Variants in SH3RF3 observed in about 807,000 individuals in gnomAD.
The protein encoded by SH3RF3 is SH3 domain containing ring finger 3.
SH3RF3 carries 29 observed loss-of-function variants against 66.3 expected under a neutral mutation model. That is an observed-to-expected ratio of 0.44 (90% confidence interval 0.33 to 0.60). The LOEUF is 0.60. Ranked by LOEUF, SH3RF3 falls within the 20% of genes least tolerant of loss-of-function variation. The probability of loss-of-function intolerance (pLI) is 0.04; values close to 1 mark genes in which losing one functional copy is unlikely to be tolerated. For missense variants in SH3RF3, 1,194 were observed against 1,190.9 expected (o/e 1.00, Z -0.04); for synonymous variants, 583 against 532.0 (o/e 1.10, Z -1.32).
intron 1 of SH3RF3, among the ~76,000 whole-genome samples, chr2:109,154,366 G>A (rs1242814346): frequency 1.3e-5 from 2 of 152,154 alleles, no homozygotes; most frequent in Non-Finnish European, 2.9e-5. Context: ...GAAGCTTCTG[G>A]GTAGGGAGTA....
At chr2:109,201,221 T>G (rs986627773) in intron 1 of SH3RF3, among the ~76,000 whole-genome samples, 1 of 152,252 alleles carries the variant, frequency 6.6e-6, no homozygotes, top group African/African-American at 2.4e-5. Flanking sequence ...GTTTTGCCTC[T>G]TCTGCACTTA....
chr2:109,179,960 G>C (rs1363464629), intron 1 of SH3RF3, among the ~76,000 whole-genome samples: 1 of 50,880 alleles, frequency 2.0e-5, no homozygotes, highest in East Asian at 7.3e-4. Context: ...GGATCATTTG[G>C]ACCCAAAGGT....
intron 1 of SH3RF3, among the ~76,000 whole-genome samples, chr2:109,331,407 AGT>A (rs763758351): frequency 6.6e-6 from 1 of 151,830 alleles, no homozygotes; most frequent in African/African-American, 2.4e-5. Context: ...AACTGATTGG[AGT>A]GTGAGAACTG....
chr2:109,306,213 C>G (rs1489255484), intron 1 of SH3RF3, among the ~76,000 whole-genome samples: 1 of 152,214 alleles, frequency 6.6e-6, no homozygotes, highest in Admixed American at 6.5e-5. Context: ...AGAAGAGATG[C>G]AGTCTGCCAG....
At chr2:109,231,525 C>T (rs1243115306) in intron 1 of SH3RF3, among the ~76,000 whole-genome samples, 2 of 152,286 alleles carry the variant, frequency 1.3e-5, no homozygotes, top group South Asian at 2.1e-4. Context: ...ATATCGTGCT[C>T]TGTTCATAGA....
chr2:109,369,285 G>A (rs1159485556), intron 2 of SH3RF3, among the ~76,000 whole-genome samples: 1 of 152,100 alleles, frequency 6.6e-6, no homozygotes, highest in Non-Finnish European at 1.5e-5. Context: ...GGAGGTGGAG[G>A]TTGCAGTGAG....
intron 1 of SH3RF3, among the ~76,000 whole-genome samples, chr2:109,240,766 C>T (rs1174793606): frequency 2.6e-5 from 4 of 151,370 alleles, no homozygotes; most frequent in Non-Finnish European, 5.9e-5. Flanking sequence ...TTCCTCCTGT[C>T]GTCCTTCTCC....
chr2:109,131,473 T>C (rs926376954), intron 1 of SH3RF3, among the ~76,000 whole-genome samples: 3 of 152,252 alleles, frequency 2.0e-5, no homozygotes, highest in African/African-American at 7.2e-5. Flanking sequence ...ATAAGTGGGT[T>C]ACCTTCTTCT....
At chr2:109,485,905 A>G (rs1388380829) in intron 8 of SH3RF3, among the ~76,000 whole-genome samples, 1 of 152,206 alleles carries the variant, frequency 6.6e-6, no homozygotes, top group African/African-American at 2.4e-5. Flanking sequence ...CTGGCCCTTG[A>G]TCTCCTACAC....
At chr2:109,385,407 A>G (rs532892224) in intron 3 of SH3RF3, among the ~76,000 whole-genome samples, 2 of 152,338 alleles carry the variant, frequency 1.3e-5, no homozygotes, top group South Asian at 4.2e-4. Context: ...AGAAGCCCCC[A>G]TGTCCTGTTG....
At chr2:109,262,006 C>T (rs1429792511) in intron 1 of SH3RF3, among the ~76,000 whole-genome samples, 1 of 152,174 alleles carries the variant, frequency 6.6e-6, no homozygotes, top group African/African-American at 2.4e-5. Flanking sequence ...AACCAGGTCC[C>T]CTAAGAGTGG....
chr2:109,446,061 G>A (rs190803164), intron 7 of SH3RF3, among the ~76,000 whole-genome samples: 2 of 152,266 alleles, frequency 1.3e-5, no homozygotes, highest in Admixed American at 1.3e-4. Context: ...CAAAGAAGAT[G>A]TGGGCTACTT....
At chr2:109,399,438 A>C (rs933057922) in intron 4 of SH3RF3, among the ~76,000 whole-genome samples, 10 of 137,574 alleles carry the variant, frequency 7.3e-5, no homozygotes, top group Non-Finnish European at 1.4e-4. Context: ...TCTAGACTCC[A>C]TTTCCACTAG....
intron 1 of SH3RF3, among the ~76,000 whole-genome samples, chr2:109,302,751 CACG>C (rs1334178688): frequency 1.2e-5 from 1 of 81,618 alleles, no homozygotes; most frequent in Non-Finnish European, 2.3e-5. Context: ...TGTTTTCAGA[CACG>C]ACATTTCACC....
chr2:109,248,937 G>C (rs1413506561), intron 1 of SH3RF3, among the ~76,000 whole-genome samples: 1 of 148,832 alleles, frequency 6.7e-6, no homozygotes, highest in South Asian at 2.1e-4. Context: ...GTCCTGTCTT[G>C]CTCTGTCACC....
chr2:109,339,380 A>T (rs530636112), intron 1 of SH3RF3, among the ~76,000 whole-genome samples: 2 of 152,120 alleles, frequency 1.3e-5, no homozygotes, highest in Non-Finnish European at 2.9e-5. Context: ...CCTACAAGGA[A>T]TCCTCTGCCT....
intron 1 of SH3RF3, among the ~76,000 whole-genome samples, chr2:109,331,974 ACTGT>A (rs1161693335): frequency 2.6e-5 from 4 of 152,112 alleles, no homozygotes; most frequent in African/African-American, 4.8e-5. Context: ...TGGTGCTGTG[ACTGT>A]CTGTGACTAG....
intron 7 of SH3RF3, among the ~76,000 whole-genome samples, chr2:109,441,542 C>T (rs563490093): frequency 5.9e-5 from 9 of 152,202 alleles, no homozygotes; most frequent in Non-Finnish European, 8.8e-5. Context: ...GAATGGAATC[C>T]GTGAGCAATG....
At chr2:109,492,086 C>T (rs1679143904) in intron 9 of SH3RF3, among the ~76,000 whole-genome samples, 1 of 152,172 alleles carries the variant, frequency 6.6e-6, no homozygotes, top group Non-Finnish European at 1.5e-5. Context: ...GTGACCACGT[C>T]CTCTGCCTTC....
Sources: gnomAD v4.1 joint callset for allele counts (sites outside exome capture counted in the v4.1 genomes callset) on GRCh38, gnomAD v4.1.1 for gene constraint, MANE v1.5 for transcripts, NCBI Gene and HGNC (gene_info 2026-07-23, HGNC 2026-07-21) for gene names.